The following LIPA variants were observed in gnomAD, a reference collection of about 807,000 sequenced individuals.
LIPA encodes the protein lipase A, lysosomal acid type, also known as lysosomal acid lipase/cholesteryl ester hydrolase.
A neutral mutation model predicts 40.6 loss-of-function variants in LIPA; 26 were observed. The ratio of observed to expected loss-of-function variants is 0.64; its 90% CI spans 0.47 to 0.89. The LOEUF (loss-of-function observed/expected upper bound fraction) is 0.89, where lower values mean the gene tolerates loss of function less well. Ranked by LOEUF, LIPA falls within the 40% of genes least tolerant of loss-of-function variation. The pLI is 0.00. For missense variants in LIPA, 455 were observed against 479.6 expected (o/e 0.95, Z 0.48); for synonymous variants, 188 against 168.4 (o/e 1.12, Z -0.90).
intron 2 of LIPA, among the ~76,000 whole-genome samples, chr10:89,357,598 C>T (rs766607252): frequency 5.9e-5 from 9 of 152,100 alleles, no homozygotes; most frequent in East Asian, 1.9e-4. Flanking sequence ...TAATTCTAAC[C>T]GAATGAAAAC....
chr10:89,218,834 CTCTT>C (rs761409873), intron 8 of LIPA, among the ~76,000 whole-genome samples: 80 of 152,138 alleles, frequency 5.3e-4, no homozygotes, highest in African/African-American at 1.6e-3. Context: ...AAGAAATAAA[CTCTT>C]TATTTAGCAG....
chr10:89,358,097 C>T (rs1843999355), intron 2 of LIPA, among the ~76,000 whole-genome samples: 1 of 152,162 alleles, frequency 6.6e-6, no homozygotes, highest in Admixed American at 6.5e-5. Context: ...CCTGTAACTG[C>T]CTGCTGCGAA....
intron 2 of LIPA, among the ~76,000 whole-genome samples, chr10:89,371,395 G>T (rs1273280192): frequency 6.6e-6 from 1 of 152,196 alleles, no homozygotes; most frequent in Non-Finnish European, 1.5e-5. Context: ...TTTGCCTTAG[G>T]GCTGGAGATC....
chr10:89,231,820 C>A (rs1842846058), intron 3 of LIPA, among the ~76,000 whole-genome samples: 1 of 152,142 alleles, frequency 6.6e-6, no homozygotes, highest in South Asian at 2.1e-4. Context: ...CAGGGCCATG[C>A]AGGTGAACTT....
At chr10:89,391,677 ACAC>A (rs1399286676) in intron 2 of LIPA, among the ~76,000 whole-genome samples, 1 of 151,838 alleles carries the variant, frequency 6.6e-6, no homozygotes, top group African/African-American at 2.4e-5. Context: ...CTACAGGTGC[ACAC>A]CACCACACCC....
chr10:89,265,779 G>A (rs1843232705), intron 1 of LIPA, among the ~76,000 whole-genome samples: 1 of 152,224 alleles, frequency 6.6e-6, no homozygotes, highest in Admixed American at 6.5e-5. Context: ...GTTCAGACTT[G>A]TAAAATAGCT....
At chr10:89,317,751 A>G (rs1023872885) in intron 1 of LIPA, among the ~76,000 whole-genome samples, 3 of 152,248 alleles carry the variant, frequency 2.0e-5, no homozygotes, top group African/African-American at 4.8e-5. Flanking sequence ...GAGCAATTCC[A>G]AGACACATAA....
intron 1 of LIPA, among the ~76,000 whole-genome samples, chr10:89,281,607 G>A (rs1270552904): frequency 1.3e-5 from 2 of 152,330 alleles, no homozygotes; most frequent in East Asian, 1.9e-4. Context: ...TCAAACCACT[G>A]GTAAGTGGTA....
chr10:89,387,054 C>T (rs1397270438), intron 2 of LIPA, among the ~76,000 whole-genome samples: 1 of 152,000 alleles, frequency 6.6e-6, no homozygotes. Context: ...CCGTGGCTCA[C>T]GCCTGTAATC....
upstream of LIPA, among the ~76,000 whole-genome samples, chr10:89,344,787 T>C (rs1209421188): frequency 1.3e-5 from 2 of 152,070 alleles, no homozygotes; most frequent in East Asian, 1.9e-4. Flanking sequence ...CAGGTCATAA[T>C]ACAAAATCAA....
intron 1 of LIPA, among the ~76,000 whole-genome samples, chr10:89,251,501 AG>A: frequency 3.6e-5 from 1 of 27,428 alleles, no homozygotes; most frequent in Non-Finnish European, 6.4e-5. Flanking sequence ...CCCAGGGAAG[AG>A]AGTGGGCTTC....
chr10:89,264,215 A>G (rs956161926), intron 1 of LIPA, among the ~76,000 whole-genome samples: 1 of 152,176 alleles, frequency 6.6e-6, no homozygotes, highest in Non-Finnish European at 1.5e-5. Flanking sequence ...TTTCAGTCCC[A>G]CCATTCAGGG....
chr10:89,284,713 C>T (rs765822967), intron 1 of LIPA, among the ~76,000 whole-genome samples: 17 of 152,146 alleles, frequency 1.1e-4, no homozygotes, highest in African/African-American at 3.1e-4. Context: ...CACCTGTATA[C>T]GCTATATGTC....
intron 8 of LIPA, among the ~76,000 whole-genome samples, chr10:89,220,051 T>A (rs1842677746): frequency 6.6e-6 from 1 of 152,158 alleles, no homozygotes; most frequent in African/African-American, 2.4e-5. Context: ...TGATAGCCGA[T>A]CCAATGTCTC....
At chr10:89,412,822 A>G (rs751503369) in exon 2 of LIPA, 8 of 403,468 alleles carry the variant, frequency 2.0e-5, no homozygotes, top group African/African-American at 1.3e-4. Context: ...ACATCTGAAC[A>G]TCGAAAGGAA....
chr10:89,318,066 A>G (rs896980816), intron 1 of LIPA, among the ~76,000 whole-genome samples: 6 of 152,218 alleles, frequency 3.9e-5, no homozygotes, highest in African/African-American at 1.4e-4. Context: ...TCCTGAAGGA[A>G]GCACTAAACA....
rs373296317 is a variant in LIPA, at chr10:89,365,605, T to C, written c.61+47186A>G. 4.6e-5 allele frequency among the ~76,000 whole-genome samples: 7 copies of C among 152,310 alleles called. No homozygotes were observed. In the East Asian group the frequency reaches 9.6e-4, roughly 21 times the overall value. The stretch of plus-strand genomic sequence containing the variant: ...TTAGGTCTAACATTTAAATCTTTAA[T>C]CCATCTTGAATTAATTTTTGTATAA... On this transcript the variant is annotated intron_variant, in intron 2 of 8. Transcript: ENST00000371837.
intron 2 of LIPA, among the ~76,000 whole-genome samples, chr10:89,409,147 T>C (rs1419914761): frequency 3.9e-5 from 6 of 152,170 alleles, no homozygotes; most frequent in Non-Finnish European, 7.4e-5. Context: ...ATAAGTTTAT[T>C]ACCCAATCAG....
At chr10:89,389,343 A>G (rs1226880185) in intron 2 of LIPA, among the ~76,000 whole-genome samples, 1 of 152,222 alleles carries the variant, frequency 6.6e-6, no homozygotes, top group Non-Finnish European at 1.5e-5. Context: ...TCATGTCACT[A>G]CAATGCCTTC....
Sources: allele counts gnomAD v4.1 joint callset (sites outside exome capture counted in the v4.1 genomes callset), GRCh38; gene constraint gnomAD v4.1.1; transcripts MANE v1.5; gene names NCBI Gene and HGNC (gene_info 2026-07-23, HGNC 2026-07-21).